The following TRAPPC12 variants were observed in gnomAD, a reference collection of about 807,000 sequenced individuals.
The protein encoded by TRAPPC12 is trafficking protein particle complex subunit 12.
In TRAPPC12, 61 loss-of-function variants were observed where a neutral mutation model predicts 69.2. The observed-to-expected ratio is 0.88, with a 90% CI of 0.72 to 1.09. The LOEUF (loss-of-function observed/expected upper bound fraction) is 1.09, where lower values mean the gene tolerates loss of function less well. Among genes scored for constraint, TRAPPC12 ranks in the 50% least tolerant of loss-of-function variants. The pLI is 0.00. For synonymous variants in TRAPPC12, 469 were observed against 438.9 expected, an observed-to-expected ratio of 1.07 and a Z score of -0.86; for missense variants, 1,101 against 1,016.4, an observed-to-expected ratio of 1.08 and a Z score of -1.13.
In TRAPPC12 at chr2:3,477,946, A is replaced by G. The variant is rs1666367671; in HGVS notation, c.1877+151A>G. On this transcript the variant is annotated intron_variant, in intron 10 of 11. Coordinates refer to ENST00000324266, the MANE Select transcript of TRAPPC12 (RefSeq NM_016030.6). ...CTCAGAGCGGAGACCCAAGGAGTAT[A>G]CAGGTGTTTTCTTGAATCGCAGTGA... 5 of 479,914 alleles carry G rather than the reference A, an allele frequency of 1.0e-5. No individual in the cohort carries two copies. In the South Asian group the frequency reaches 2.8e-4, roughly 27 times the overall value. The allele number at this position is 479,914 out of a possible 1,614,324, so 29.7% of individuals were successfully genotyped here.
At chr2:3,464,957 G>GC (rs1248778226) in intron 8 of TRAPPC12, among the ~76,000 whole-genome samples, 1 of 152,230 alleles carries the variant, frequency 6.6e-6, no homozygotes, top group Non-Finnish European at 1.5e-5. Flanking sequence ...GAAACCAGAT[G>GC]CCCTGAGCAC....
intron 1 of TRAPPC12, among the ~76,000 whole-genome samples, chr2:3,383,529 G>C (rs534557616): frequency 6.6e-6 from 1 of 151,334 alleles, no homozygotes; most frequent in Admixed American, 6.6e-5. Context: ...CTCCCGAGTA[G>C]CAGAGTAGCT....
At chr2:3,399,071 G>A (rs1017561911) in intron 2 of TRAPPC12, among the ~76,000 whole-genome samples, 1 of 152,240 alleles carries the variant, frequency 6.6e-6, no homozygotes, top group African/African-American at 2.4e-5. Context: ...GCAAGGGCGA[G>A]GTTTGTCCTA....
In TRAPPC12 at chr2:3,388,700, C is replaced by CGT. The variant is rs774407610; in HGVS notation, c.1047+32_1047+33dup. 1.2e-5 allele frequency: 18 copies of CGT among 1,500,026 alleles called. No individual in the cohort carries two copies. In the Admixed American group the frequency reaches 3.7e-4, roughly 30 times the overall value. 92.9% of individuals were successfully genotyped at this position (1,500,026 alleles called of 1,614,324 possible). A position where few individuals can be genotyped will look rare whatever the true frequency, so the allele number is the denominator to read the frequency against. The stretch of plus-strand genomic sequence containing the variant: ...GCCCGGGTCTCCCACCTCCGCAGCC[C>CGT]GTGCCTCCTCTCTGCGTCTGTGAGA... On this transcript the variant is annotated intron_variant, in intron 2 of 11. Coordinates refer to ENST00000324266, the MANE Select transcript of TRAPPC12 (RefSeq NM_016030.6).
At chr2:3,439,366 C>T (rs1664068122) in intron 5 of TRAPPC12, among the ~76,000 whole-genome samples, 2 of 152,096 alleles carry the variant, frequency 1.3e-5, no homozygotes, top group South Asian at 2.1e-4. Context: ...CAGTTATGGC[C>T]CACTGCAGCC....
intron 2 of TRAPPC12, among the ~76,000 whole-genome samples, chr2:3,392,296 T>TCTC (rs10630496): frequency 0.61 from 92,587 of 151,664 alleles, 28,707 homozygotes; most frequent in African/African-American, 0.73. Context: ...AGGCATCCTC[T>TCTC]CTCCTGACAC....
intron 2 of TRAPPC12, 40 bp from the exon 3 acceptor site, chr2:3,401,737 A>G (rs1661454103): frequency 7.1e-7 from 1 of 1,407,834 alleles, no homozygotes; most frequent in Non-Finnish European, 9.6e-7. Context: ...TTTAGTTGAC[A>G]TTTTATTGTC....
At chr2:3,462,861 G>A (rs760693771) in intron 8 of TRAPPC12, 24 of 466,740 alleles carry the variant, frequency 5.1e-5, no homozygotes, top group Non-Finnish European at 7.1e-5. Flanking sequence ...CCCACAGCTC[G>A]CCAGTATGCA....
At chr2:3,466,319 AG>A (rs1412107252) in intron 9 of TRAPPC12, 1 of 471,232 alleles carries the variant, frequency 2.1e-6, no homozygotes, top group East Asian at 6.9e-5. Context: ...AACCTGGGCC[AG>A]GGAAAGGAGG....
At chr2:3,463,394 G>A (rs13412657) in intron 8 of TRAPPC12, among the ~76,000 whole-genome samples, 6,494 of 151,536 alleles carry the variant, frequency 0.043, 426 homozygotes, top group African/African-American at 0.15. Flanking sequence ...GGCTGCCGGC[G>A]GGTGCAGGGG....
intron 1 of TRAPPC12, among the ~76,000 whole-genome samples, chr2:3,383,669 T>G (rs1660337301): frequency 6.6e-6 from 1 of 151,942 alleles, no homozygotes. Flanking sequence ...CCTCCGAAAG[T>G]GCTGGGATTA....
In TRAPPC12 at chr2:3,412,683, C is replaced by T. The variant is rs74776281; in HGVS notation, c.1165-9198C>T. On this transcript the variant is annotated intron_variant, in intron 3 of 11. Transcript: ENST00000324266. ...TGAGGGCTCGGCGACACAGAGCGGC[C>T]AGCTACACCTTCATCTAGAACGGAT... Among the ~76,000 whole-genome samples, 2,644 of 152,270 alleles carry T rather than the reference C, an allele frequency of 0.017. 115 individuals are homozygous for T. The East Asian group carries it at 0.17, about 10-fold the overall frequency.
At chr2:3,385,901 T>G (rs1339399617) in intron 1 of TRAPPC12, among the ~76,000 whole-genome samples, 1 of 152,242 alleles carries the variant, frequency 6.6e-6, no homozygotes, top group Non-Finnish European at 1.5e-5. Context: ...AGCCTTACCA[T>G]GCACAGGGGG....
chr2:3,451,475 C>T (rs771604702), intron 6 of TRAPPC12, among the ~76,000 whole-genome samples: 12 of 152,204 alleles, frequency 7.9e-5, no homozygotes, highest in Non-Finnish European at 1.5e-4. Flanking sequence ...CAGAGATGAG[C>T]TCATGCTGAT....
At chr2:3,438,873 G>A (rs577435667) in intron 5 of TRAPPC12, among the ~76,000 whole-genome samples, 2 of 152,168 alleles carry the variant, frequency 1.3e-5, no homozygotes, top group South Asian at 4.1e-4. Context: ...TGACAATTAT[G>A]AATAAAGCTA....
In TRAPPC12 at chr2:3,387,704, G is replaced by C. The variant is rs776714649; in HGVS notation, c.81G>C (p.Gln27His). 6.3e-7 allele frequency: 1 copy of C among 1,588,654 alleles called. No homozygotes were observed. The highest frequency in any genetic ancestry group is 8.6e-7 in the Non-Finnish European group (1 of 1,167,942). Residue 27 changes from glutamine to histidine, a missense_variant, in exon 2 of 12, where the codon CAG becomes CAC. Gln to His is a conservative substitution (Grantham distance 24). Transcript: ENST00000324266. ...HPPQLAPPEE[Q>H]GLLFQEETID... ...CTCAGCTCGCGCCTCCGGAGGAGCA[G>C]GGGTTGCTCTTCCAGGAGGAAACCA...
intron 3 of TRAPPC12, among the ~76,000 whole-genome samples, chr2:3,405,430 G>A (rs994400314): frequency 4.5e-5 from 5 of 111,688 alleles, no homozygotes; most frequent in Non-Finnish European, 9.8e-5. Flanking sequence ...CCCACCAAAT[G>A]ACTTAGTATT....
chr2:3,394,766 A>G (rs2103449845), intron 2 of TRAPPC12, among the ~76,000 whole-genome samples: 2 of 152,306 alleles, frequency 1.3e-5, no homozygotes, highest in African/African-American at 4.8e-5. Context: ...CTGAATTCCC[A>G]CTGCTGCGTA....
intron 6 of TRAPPC12, among the ~76,000 whole-genome samples, chr2:3,448,772 C>T (rs762688341): frequency 1.4e-5 from 2 of 146,254 alleles, no homozygotes; most frequent in Non-Finnish European, 1.5e-5. Flanking sequence ...CGCGGTTACA[C>T]GAGGGCGGAG....
Sources: gnomAD v4.1 joint callset for allele counts (sites outside exome capture counted in the v4.1 genomes callset) on GRCh38, gnomAD v4.1.1 for gene constraint, MANE v1.5 for transcripts, NCBI Gene and HGNC (gene_info 2026-07-23, HGNC 2026-07-21) for gene names.